GRIA1: variants seen among roughly 807,000 people sequenced by gnomAD.
GRIA1 encodes the protein glutamate ionotropic receptor AMPA type subunit 1.
Under a neutral mutation model 99.2 loss-of-function variants are expected in GRIA1, and 31 were observed. The observed-to-expected ratio is 0.31, with a 90% CI of 0.23 to 0.42. GRIA1 has a LOEUF of 0.42. Ranked by LOEUF, GRIA1 falls within the 10% of genes least tolerant of loss-of-function variation. The pLI, the probability that GRIA1 is intolerant of heterozygous loss-of-function variation, is 1.00. For missense variants in GRIA1, 782 were observed against 1,157.5 expected, an observed-to-expected ratio of 0.68 and a Z score of 4.71; for synonymous variants, 438 against 432.4, an observed-to-expected ratio of 1.01 and a Z score of -0.16.
intron 11 of GRIA1, among the ~76,000 whole-genome samples, chr5:153,763,414 G>A (rs1447837919): frequency 6.6e-6 from 1 of 152,182 alleles, no homozygotes; most frequent in Non-Finnish European, 1.5e-5. Context: ...CCTATTGAAG[G>A]CTCTGAGCTT....
At chr5:153,784,902 G>T (rs1764875492) in intron 13 of GRIA1, among the ~76,000 whole-genome samples, 1 of 152,154 alleles carries the variant, frequency 6.6e-6, no homozygotes, top group South Asian at 2.1e-4. Flanking sequence ...CCTAAATTCA[G>T]CCATGCTTTT....
At chr5:153,698,659 T>G (rs1758293889) in intron 9 of GRIA1, among the ~76,000 whole-genome samples, 2 of 152,220 alleles carry the variant, frequency 1.3e-5, no homozygotes, top group Non-Finnish European at 2.9e-5. Flanking sequence ...ATCTCAGTGA[T>G]AAAACATTCT....
At position 153,648,099 on chromosome 5, in the gene GRIA1, C is replaced by T. The variant is rs1361035686; in HGVS notation, c.460+932C>T. 2.0e-5 allele frequency among the ~76,000 whole-genome samples: 3 copies of T among 152,164 alleles called. No homozygotes were observed. The East Asian group carries it at 5.8e-4, about 29-fold the overall frequency. On this transcript the variant is annotated intron_variant, in intron 3 of 15. Transcript: ENST00000285900. ...GAGGAGTACAGTACTGATGTGGTTGCCTGCAGGGAGTCTTAGAAAACTTTT... is the reference window on the plus strand; with the variant it reads ...GAGGAGTACAGTACTGATGTGGTTGTCTGCAGGGAGTCTTAGAAAACTTTT...
At chr5:153,707,687 C>T (rs1759013399) in intron 11 of GRIA1, among the ~76,000 whole-genome samples, 1 of 152,114 alleles carries the variant, frequency 6.6e-6, no homozygotes, top group African/African-American at 2.4e-5. Flanking sequence ...TCAAGGAGGA[C>T]CAATATTCCT....
chr5:153,557,125 G>A (rs148232252), intron 2 of GRIA1, among the ~76,000 whole-genome samples: 158 of 152,330 alleles, frequency 1.0e-3, no homozygotes, highest in African/African-American at 3.6e-3. Flanking sequence ...AATGGAGCTT[G>A]CAGAACTGGA....
At chr5:153,640,840 T>C (rs964362033) in intron 2 of GRIA1, among the ~76,000 whole-genome samples, 2 of 152,228 alleles carry the variant, frequency 1.3e-5, no homozygotes, top group African/African-American at 2.4e-5. Context: ...AAATAAATGA[T>C]AACATTGTAT....
At chr5:153,639,335 C>T (rs963521424) in intron 2 of GRIA1, among the ~76,000 whole-genome samples, 1 of 152,222 alleles carries the variant, frequency 6.6e-6, no homozygotes, top group African/African-American at 2.4e-5. Flanking sequence ...GCTATGTGAT[C>T]TCTTTCTCCT....
chr5:153,538,624 C>CA (rs1202846954), intron 2 of GRIA1, among the ~76,000 whole-genome samples: 2 of 152,160 alleles, frequency 1.3e-5, no homozygotes, highest in Non-Finnish European at 2.9e-5. Context: ...AGGTCTACTG[C>CA]AATCTTGGAG....
chr5:153,710,605 C>G (rs1290782069), intron 11 of GRIA1, among the ~76,000 whole-genome samples: 3 of 152,204 alleles, frequency 2.0e-5, no homozygotes, highest in African/African-American at 7.2e-5. Context: ...CAAAACTTAT[C>G]TTTAGTACCT....
chr5:153,552,748 GT>G (rs1295853907), intron 2 of GRIA1, among the ~76,000 whole-genome samples: 3 of 152,098 alleles, frequency 2.0e-5, no homozygotes, highest in Non-Finnish European at 4.4e-5. Context: ...AGGGTCTAAG[GT>G]TTAGCATTTC....
At chr5:153,578,596 G>A (rs4958347) in intron 2 of GRIA1, among the ~76,000 whole-genome samples, 19,053 of 152,196 alleles carry the variant, frequency 0.13, 2,375 homozygotes, top group East Asian at 0.68. Context: ...AAGGGATGTG[G>A]TCTCATCTGT....
At position 153,714,829 on chromosome 5, in the gene GRIA1, C is replaced by T. The variant is rs114360243; in HGVS notation, c.1823+8762C>T. Among the ~76,000 whole-genome samples the T allele has an allele frequency of 2.1e-3, 326 of 152,298 alleles. 3 individuals carry two copies. Among genetic ancestry groups the T allele is most frequent in the African/African-American group, 7.2e-3 (299 of 41,562 alleles). ...TGCTTTTACCTCTAGCTATGTCCAA[C>T]GGAGATAATAGGTGAATTAAGTCCA... On this transcript the variant is annotated intron_variant, in intron 11 of 15. Transcript: ENST00000285900.
At chr5:153,798,095 T>A (rs979748099) in intron 14 of GRIA1, among the ~76,000 whole-genome samples, 12 of 152,296 alleles carry the variant, frequency 7.9e-5, no homozygotes, top group African/African-American at 2.9e-4. Flanking sequence ...CCTTGTCATC[T>A]TCTTCCTGAA....
intron 11 of GRIA1, among the ~76,000 whole-genome samples, chr5:153,745,613 G>GAAAAA (rs1762104530): frequency 8.9e-6 from 1 of 112,812 alleles, no homozygotes; most frequent in African/African-American, 3.4e-5. Flanking sequence ...AAAAAAAAAA[G>GAAAAA]AAAAGAAAAA....
intron 11 of GRIA1, among the ~76,000 whole-genome samples, chr5:153,755,990 A>G (rs549592567): frequency 1.3e-5 from 2 of 152,342 alleles, no homozygotes; most frequent in Admixed American, 1.3e-4. Flanking sequence ...CCATCTGTCA[A>G]TGGGTCCAGG....
intron 13 of GRIA1, among the ~76,000 whole-genome samples, chr5:153,792,210 G>A (rs1421137662): frequency 6.6e-6 from 1 of 152,174 alleles, no homozygotes; most frequent in Non-Finnish European, 1.5e-5. Flanking sequence ...GTGAGATCAT[G>A]AGCCCATCAA....
intron 3 of GRIA1, among the ~76,000 whole-genome samples, chr5:153,648,229 G>T (rs981699216): frequency 3.9e-5 from 6 of 152,124 alleles, no homozygotes; most frequent in South Asian, 4.1e-4. Context: ...TATTTTCTTT[G>T]ATTTTCTCTT....
At chr5:153,652,345 T>A (rs1209880748) in intron 4 of GRIA1, among the ~76,000 whole-genome samples, 1 of 152,234 alleles carries the variant, frequency 6.6e-6, no homozygotes, top group Non-Finnish European at 1.5e-5. Context: ...ATTTTTTTAG[T>A]GTGTATGGTA....
intron 10 of GRIA1, among the ~76,000 whole-genome samples, chr5:153,700,496 G>A (rs943221713): frequency 2.6e-5 from 4 of 152,298 alleles, no homozygotes; most frequent in South Asian, 4.1e-4. Flanking sequence ...ATGAGAAAAC[G>A]CATGGTTTTT....
Sources: gnomAD v4.1 joint callset for allele counts (sites outside exome capture counted in the v4.1 genomes callset) on GRCh38, gnomAD v4.1.1 for gene constraint, MANE v1.5 for transcripts, NCBI Gene and HGNC (gene_info 2026-07-23, HGNC 2026-07-21) for gene names.